The following ADAMTSL1 variants were observed in gnomAD, a reference collection of about 807,000 sequenced individuals.
ADAMTSL1 encodes ADAMTS like 1.
A neutral mutation model predicts 201.8 loss-of-function variants in ADAMTSL1; 126 were observed. The ratio of observed to expected loss-of-function variants is 0.62; its 90% CI spans 0.54 to 0.72. The LOEUF (loss-of-function observed/expected upper bound fraction) is 0.72, where lower values mean the gene tolerates loss of function less well. Among genes scored for constraint, ADAMTSL1 ranks in the 30% least tolerant of loss-of-function variants. The probability of loss-of-function intolerance (pLI) is 0.00; values close to 1 mark genes in which losing one functional copy is unlikely to be tolerated. For synonymous variants in ADAMTSL1, 1,121 were observed against 903.4 expected (o/e 1.24, Z -4.32); for missense variants, 2,679 against 2,277.8 (o/e 1.18, Z -3.59).
chr9:18,353,191 G>A (rs900927747), intron 2 of ADAMTSL1, among the ~76,000 whole-genome samples: 12 of 152,256 alleles, frequency 7.9e-5, no homozygotes, highest in African/African-American at 2.6e-4. Context: ...CTTATCTCCT[G>A]GATATTATTT....
chr9:18,572,718 C>G (rs1014736912), intron 3 of ADAMTSL1, among the ~76,000 whole-genome samples: 18 of 152,052 alleles, frequency 1.2e-4, no homozygotes, highest in Non-Finnish European at 2.2e-4. Flanking sequence ...GGAAAAGAGT[C>G]AAAATTTTCA....
chr9:18,042,659 C>G (rs1821478159), intron 1 of ADAMTSL1, among the ~76,000 whole-genome samples: 1 of 152,064 alleles, frequency 6.6e-6, no homozygotes. Flanking sequence ...CTGTTACAGC[C>G]CTTATTTGGT....
chr9:17,937,586 G>C (rs1435928549), intron 1 of ADAMTSL1, among the ~76,000 whole-genome samples: 1 of 152,020 alleles, frequency 6.6e-6, no homozygotes, highest in African/African-American at 2.4e-5. Flanking sequence ...TTTTTAGATG[G>C]AGGGGAGACT....
intron 2 of ADAMTSL1, among the ~76,000 whole-genome samples, chr9:18,465,158 A>G (rs1354273288): frequency 6.6e-6 from 1 of 152,164 alleles, no homozygotes; most frequent in Non-Finnish European, 1.5e-5. Context: ...CCAGGGGCAT[A>G]ATGTTTATTC....
intron 3 of ADAMTSL1, among the ~76,000 whole-genome samples, chr9:18,573,676 G>C (rs931027931): frequency 6.6e-6 from 1 of 152,124 alleles, no homozygotes; most frequent in African/African-American, 2.4e-5. Context: ...ACTTTACTAG[G>C]TTCTACTTAT....
chr9:18,240,424 T>C (rs779268530), intron 2 of ADAMTSL1, among the ~76,000 whole-genome samples: 1 of 152,028 alleles, frequency 6.6e-6, no homozygotes, highest in Non-Finnish European at 1.5e-5. Flanking sequence ...TGAGCTGTCA[T>C]CCAGGCTTTG....
At chr9:18,368,062 G>A (rs1260653336) in intron 2 of ADAMTSL1, among the ~76,000 whole-genome samples, 1 of 149,090 alleles carries the variant, frequency 6.7e-6, no homozygotes, top group Non-Finnish European at 1.5e-5. Context: ...ACCACGCCAG[G>A]CTAATTTTTT....
At chr9:17,949,994 C>A (rs1023373656) in intron 1 of ADAMTSL1, among the ~76,000 whole-genome samples, 2 of 152,156 alleles carry the variant, frequency 1.3e-5, no homozygotes, top group African/African-American at 4.8e-5. Context: ...TCTTGGCTCA[C>A]TGCAACCTCT....
chr9:18,054,905 G>A (rs1199770725), intron 1 of ADAMTSL1, among the ~76,000 whole-genome samples: 1 of 152,176 alleles, frequency 6.6e-6, no homozygotes, highest in African/African-American at 2.4e-5. Context: ...TGTAGAAGTA[G>A]TACTGAACTG....
chr9:18,553,300 C>T (rs543559851), intron 3 of ADAMTSL1, among the ~76,000 whole-genome samples: 4 of 150,650 alleles, frequency 2.7e-5, no homozygotes, highest in Non-Finnish European at 5.9e-5. Flanking sequence ...ACTAATTACC[C>T]TAACTTTTAA....
chr9:18,009,261 A>G (rs978548625), intron 1 of ADAMTSL1, among the ~76,000 whole-genome samples: 1 of 151,816 alleles, frequency 6.6e-6, no homozygotes, highest in African/African-American at 2.4e-5. Flanking sequence ...TTACAACTCA[A>G]TGTTTCCATC....
rs150403231 is a variant in ADAMTSL1, at chr9:18,434,147, G to A, written c.208-70682G>A. Among the ~76,000 whole-genome samples the A allele has an allele frequency of 2.1e-3, 316 of 152,172 alleles. 6 individuals are homozygous for A. The highest frequency in any genetic ancestry group is 2.9e-4 in the Non-Finnish European group (20 of 67,992). Reference sequence around the variant, plus strand: ...AATACATGTGTATATTTAGCCCTACGTTTAGTTCTATCAAGGCAGCTCTTA... The same window carrying A: ...AATACATGTGTATATTTAGCCCTACATTTAGTTCTATCAAGGCAGCTCTTA... On this transcript the variant is annotated intron_variant, in intron 2 of 29. Coordinates refer to the ADAMTSL1 transcript ENST00000680146.
chr9:18,169,751 C>A (rs927781910), intron 2 of ADAMTSL1, among the ~76,000 whole-genome samples: 1 of 152,038 alleles, frequency 6.6e-6, no homozygotes, highest in African/African-American at 2.4e-5. Context: ...TTCTTCCTAC[C>A]CATGAGCATG....
chr9:18,353,362 A>C (rs543608971), intron 2 of ADAMTSL1, among the ~76,000 whole-genome samples: 9 of 152,352 alleles, frequency 5.9e-5, no homozygotes, highest in African/African-American at 2.2e-4. Flanking sequence ...TCAAGTGTCT[A>C]GTTCTAGCAC....
At chr9:18,529,662 T>G (rs1048759154) in intron 2 of ADAMTSL1, among the ~76,000 whole-genome samples, 3 of 152,164 alleles carry the variant, frequency 2.0e-5, no homozygotes, top group African/African-American at 4.8e-5. Flanking sequence ...AATCCACAAT[T>G]TAATAGTAGA....
intron 1 of ADAMTSL1, among the ~76,000 whole-genome samples, chr9:17,931,901 C>CA (rs2131320638): frequency 6.6e-6 from 1 of 152,244 alleles, no homozygotes; most frequent in South Asian, 2.1e-4. Context: ...TGATTGGCAA[C>CA]AAGATGGTGA....
intron 1 of ADAMTSL1, among the ~76,000 whole-genome samples, chr9:18,158,254 T>A (rs2132072279): frequency 6.6e-6 from 1 of 152,120 alleles, no homozygotes; most frequent in South Asian, 2.1e-4. Context: ...AATATCATTA[T>A]TTTGGTACAT....
chr9:18,837,282 T>C (rs1825370720), intron 23 of ADAMTSL1, among the ~76,000 whole-genome samples: 1 of 152,370 alleles, frequency 6.6e-6, no homozygotes, highest in East Asian at 1.9e-4. Context: ...GTATATGATA[T>C]AAGCTATATA....
intron 18 of ADAMTSL1, 49 bp from the exon 19 acceptor site, chr9:18,776,732 C>T: frequency 6.7e-7 from 1 of 1,488,410 alleles, no homozygotes; most frequent in African/African-American, 1.4e-5. Context: ...TCTGGGTTTT[C>T]TCTCTCCCCA....
Sources: gnomAD v4.1 joint callset for allele counts (sites outside exome capture counted in the v4.1 genomes callset) on GRCh38, gnomAD v4.1.1 for gene constraint, MANE v1.5 for transcripts, NCBI Gene and HGNC (gene_info 2026-07-23, HGNC 2026-07-21) for gene names.